DOCK3: variants seen among roughly 807,000 people sequenced by gnomAD.
DOCK3 encodes dedicator of cytokinesis 3.
In DOCK3, 60 loss-of-function variants were observed where a neutral mutation model predicts 265.6. The observed-to-expected ratio is 0.23, with a 90% CI of 0.18 to 0.28. The LOEUF (loss-of-function observed/expected upper bound fraction) is 0.28. Among genes scored for constraint, DOCK3 ranks in the 10% least tolerant of loss-of-function variants. The probability of loss-of-function intolerance (pLI) is 1.00; values close to 1 mark genes in which losing one functional copy is unlikely to be tolerated. For synonymous variants in DOCK3, 881 were observed against 938.0 expected (o/e 0.94, Z 1.11); for missense variants, 1,981 against 2,594.3 (o/e 0.76, Z 5.14).
intron 1 of DOCK3, among the ~76,000 whole-genome samples, chr3:50,774,564 A>G (rs1162289974): frequency 1.3e-5 from 2 of 152,004 alleles, no homozygotes; most frequent in African/African-American, 4.8e-5. Context: ...TGACCTTGCT[A>G]CAATCATGTA....
At position 50,901,767 on chromosome 3, in the gene DOCK3, C is replaced by G. The variant is rs546260044; in HGVS notation, c.218+11686C>G. ...TGCTCTTGCTGGGTGAGGCGACACC[C>G]TACCCTGCTTCAGCTCTCCCTCTGT... On this transcript the variant is annotated intron_variant, in intron 4 of 52. Transcript: ENST00000266037. 119 of 440,226 alleles carry G rather than the reference C, an allele frequency of 2.7e-4. 1 individual carries two copies. Among genetic ancestry groups the G allele is most frequent in the South Asian group, 1.8e-3 (112 of 60,824 alleles). 27.3% of individuals were successfully genotyped at this position (440,226 alleles called of 1,614,324 possible).
intron 12 of DOCK3, among the ~76,000 whole-genome samples, chr3:51,193,945 T>C (rs1307702503): frequency 6.6e-6 from 1 of 151,876 alleles, no homozygotes; most frequent in African/African-American, 2.4e-5. Context: ...CTTCTGCTAG[T>C]TTTGGGTTTC....
intron 10 of DOCK3, 97 bp downstream of exon 10, chr3:51,146,727 T>A (rs2085319585): frequency 3.6e-6 from 4 of 1,097,348 alleles, no homozygotes; most frequent in East Asian, 2.6e-5. Flanking sequence ...TTAGTCTTAT[T>A]TCCATATACA....
intron 14 of DOCK3, among the ~76,000 whole-genome samples, chr3:51,220,683 A>ATGTGTGTG (rs1289851107): frequency 7.9e-5 from 3 of 37,956 alleles, no homozygotes; most frequent in Non-Finnish European, 2.0e-4. Flanking sequence ...ATATATATAT[A>ATGTGTGTG]TATATGTGTG....
chr3:51,185,769 T>TA (rs908100548), intron 12 of DOCK3, among the ~76,000 whole-genome samples: 1 of 152,120 alleles, frequency 6.6e-6, no homozygotes, highest in African/African-American at 2.4e-5. Flanking sequence ...CTGATGGTTT[T>TA]AAAAAAAGGG....
intron 5 of DOCK3, among the ~76,000 whole-genome samples, chr3:51,018,123 C>A (rs1022457636): frequency 6.6e-5 from 10 of 151,674 alleles, no homozygotes; most frequent in African/African-American, 2.4e-4. Flanking sequence ...ATCTCCTGAC[C>A]TCAAGTGATC....
chr3:51,259,010 C>G (rs2079704832), intron 22 of DOCK3, among the ~76,000 whole-genome samples: 1 of 152,146 alleles, frequency 6.6e-6, no homozygotes, highest in South Asian at 2.1e-4. Context: ...GTGGCAGAGT[C>G]CAGCCTGCAA....
intron 5 of DOCK3, among the ~76,000 whole-genome samples, chr3:51,048,844 C>G (rs1454975295): frequency 6.7e-6 from 1 of 148,498 alleles, no homozygotes; most frequent in Non-Finnish European, 1.5e-5. Flanking sequence ...GCCTGAGCGA[C>G]AGAGCGAGAC....
intron 27 of DOCK3, among the ~76,000 whole-genome samples, chr3:51,286,162 TA>T (rs2081392998): frequency 6.6e-6 from 1 of 152,200 alleles, no homozygotes; most frequent in Non-Finnish European, 1.5e-5. Flanking sequence ...GTAGCATTTT[TA>T]TACACCAACA....
intron 10 of DOCK3, among the ~76,000 whole-genome samples, chr3:51,155,797 CAATGGCTCTATATACA>C (rs2085818694): frequency 6.6e-6 from 1 of 152,168 alleles, no homozygotes; most frequent in Non-Finnish European, 1.5e-5. Context: ...TCATGCTAAA[CAATGGCTCTATATACA>C]AATGTGTGAA....
chr3:51,351,412 T>TA (rs1051970647), intron 40 of DOCK3, among the ~76,000 whole-genome samples: 78 of 152,284 alleles, frequency 5.1e-4, no homozygotes, highest in Admixed American at 1.1e-3. Context: ...ATAGCTCCTT[T>TA]AAAAAAAGCT....
At chr3:51,352,539 C>T (rs1560487439) in intron 40 of DOCK3, among the ~76,000 whole-genome samples, 2 of 152,182 alleles carry the variant, frequency 1.3e-5, no homozygotes, top group Non-Finnish European at 2.9e-5. Flanking sequence ...GTTTCAAAGA[C>T]CCTGGGAATG....
intron 5 of DOCK3, among the ~76,000 whole-genome samples, chr3:50,935,570 C>G (rs1169680585): frequency 6.6e-6 from 1 of 152,200 alleles, no homozygotes; most frequent in East Asian, 1.9e-4. Context: ...CTCTCCCCAG[C>G]TGAGCCTGTG....
At chr3:51,207,653 A>G (rs1430994231) in intron 12 of DOCK3, among the ~76,000 whole-genome samples, 1 of 152,168 alleles carries the variant, frequency 6.6e-6, no homozygotes, top group Non-Finnish European at 1.5e-5. Context: ...AGTGGCCTCT[A>G]TTCCAACCCT....
In DOCK3 at chr3:51,267,145, G is replaced by A. The variant is rs534332655; in HGVS notation, c.2356-3670G>A. On this transcript the variant is annotated intron_variant, in intron 23 of 52. Transcript: ENST00000266037. ...ACCATCTCACACTAGTTAGAATGGCGATCATTAAAAAGTTAGGATACAACA... is the reference window on the plus strand; with the variant it reads ...ACCATCTCACACTAGTTAGAATGGCAATCATTAAAAAGTTAGGATACAACA... Among the ~76,000 whole-genome samples the A allele has an allele frequency of 3.3e-5, 5 of 152,254 alleles. No individual in the cohort carries two copies. In the South Asian group the frequency reaches 8.3e-4, roughly 25 times the overall value.
chr3:51,223,379 T>C (rs1025329381), intron 14 of DOCK3, among the ~76,000 whole-genome samples: 14 of 152,142 alleles, frequency 9.2e-5, no homozygotes, highest in African/African-American at 3.1e-4. Context: ...TAGAATAATA[T>C]TGCTGGTAGC....
At chr3:51,113,674 T>C (rs1211347418) in intron 9 of DOCK3, among the ~76,000 whole-genome samples, 1 of 152,132 alleles carries the variant, frequency 6.6e-6, no homozygotes, top group Non-Finnish European at 1.5e-5. Context: ...CTAATATACC[T>C]GTTAATCCCT....
intron 6 of DOCK3, among the ~76,000 whole-genome samples, chr3:51,066,799 C>G (rs2081605879): frequency 1.3e-5 from 2 of 152,072 alleles, no homozygotes; most frequent in South Asian, 4.1e-4. Flanking sequence ...TGTTTGTGAC[C>G]TTTTTGAAGC....
chr3:51,179,927 G>A (rs1003745156), intron 12 of DOCK3, among the ~76,000 whole-genome samples: 36 of 151,974 alleles, frequency 2.4e-4, no homozygotes, highest in Non-Finnish European at 3.2e-4. Context: ...AACAAGGGCC[G>A]GCGGACGCGG....
Sources: gnomAD v4.1 joint callset for allele counts (sites outside exome capture counted in the v4.1 genomes callset) on GRCh38, gnomAD v4.1.1 for gene constraint, MANE v1.5 for transcripts, NCBI Gene and HGNC (gene_info 2026-07-23, HGNC 2026-07-21) for gene names.